The following PLCG2 variants were observed in gnomAD, a reference collection of about 807,000 sequenced individuals.
The protein encoded by PLCG2 is phospholipase C gamma 2.
In PLCG2, 69 loss-of-function variants were observed where a neutral mutation model predicts 175.6. The observed-to-expected ratio is 0.39, with a 90% confidence interval of 0.32 to 0.48. PLCG2 has a LOEUF of 0.48. Among genes scored for constraint, PLCG2 ranks in the 20% least tolerant of loss-of-function variants. The pLI, the probability that PLCG2 is intolerant of heterozygous loss-of-function variation, is 0.91. For synonymous variants in PLCG2, 827 were observed against 624.0 expected (o/e 1.33, Z -4.85); for missense variants, 1,798 against 1,650.9 (o/e 1.09, Z -1.54).
At position 81,960,739 on chromosome 16, in the gene PLCG2, T is replaced by C. The variant is rs1301798944; in HGVS notation, c.*2741T>C. ...ACATGTTCTAATACTTCGTATGCTT[T>C]GTGACCTAGTTAAAATCTAAACTTA... On this transcript the variant is annotated 3_prime_UTR_variant, in exon 33 of 33. Coordinates refer to ENST00000564138, the MANE Select transcript of PLCG2 (RefSeq NM_002661.5). The C allele has an allele frequency of 4.4e-6, 1 of 229,112 alleles. No individual in the cohort carries two copies. The highest frequency in any genetic ancestry group is 5.7e-5 in the Admixed American group (1 of 17,616). 14.2% of individuals were successfully genotyped at this position (229,112 alleles called of 1,614,324 possible).
chr16:81,915,729 G>T (rs2143672134), intron 19 of PLCG2, among the ~76,000 whole-genome samples: 1 of 152,270 alleles, frequency 6.6e-6, no homozygotes, highest in South Asian at 2.1e-4. Flanking sequence ...GAGGCTTAGG[G>T]GTCCCCTGTG....
At chr16:81,926,541 T>TGAGTA (rs1311859947) in intron 22 of PLCG2, among the ~76,000 whole-genome samples, 1 of 152,228 alleles carries the variant, frequency 6.6e-6, no homozygotes, top group Non-Finnish European at 1.5e-5. Context: ...CTAACACTAT[T>TGAGTA]GAGTATTTAC....
intron 2 of PLCG2, among the ~76,000 whole-genome samples, chr16:81,851,212 G>C (rs1311577167): frequency 6.6e-6 from 1 of 152,118 alleles, no homozygotes; most frequent in African/African-American, 2.4e-5. Flanking sequence ...TTGTGGACCT[G>C]GCAAAAATAG....
At chr16:81,928,512 T>C in intron 23 of PLCG2, 46 bp from the exon 24 acceptor site, 3 of 1,225,672 alleles carry the variant, frequency 2.4e-6, no homozygotes, top group Non-Finnish European at 3.6e-6. Context: ...TTTCTTTTTA[T>C]TATTCCCGTT....
At chr16:81,818,638 T>A (rs571700212) in intron 2 of PLCG2, among the ~76,000 whole-genome samples, 6 of 152,234 alleles carry the variant, frequency 3.9e-5, no homozygotes, top group African/African-American at 1.4e-4. Flanking sequence ...CAGAGCCAAC[T>A]AGCCGGGCAT....
At chr16:81,832,327 A>G (rs910752262) in intron 2 of PLCG2, among the ~76,000 whole-genome samples, 15 of 152,202 alleles carry the variant, frequency 9.9e-5, no homozygotes, top group African/African-American at 3.6e-4. Flanking sequence ...AGATTAAGCA[A>G]AAGAGGTTAA....
chr16:81,810,601 C>T (rs1385611947), intron 2 of PLCG2, among the ~76,000 whole-genome samples: 1 of 151,694 alleles, frequency 6.6e-6, no homozygotes, highest in African/African-American at 2.4e-5. Flanking sequence ...AACAGGTGTC[C>T]TTTCTGCCGT....
intron 1 of PLCG2, chr16:81,785,617 C>G (rs1296361620): frequency 5.6e-6 from 1 of 177,010 alleles, no homozygotes; most frequent in Non-Finnish European, 1.2e-5. Context: ...GGCTGGGCTG[C>G]TTTGGCTATT....
intron 19 of PLCG2, among the ~76,000 whole-genome samples, chr16:81,918,798 C>T (rs1268763189): frequency 1.3e-5 from 2 of 152,122 alleles, no homozygotes; most frequent in South Asian, 2.1e-4. Context: ...CCAGATGTTT[C>T]TGTCTTGCTG....
At chr16:81,778,054 A>C (rs1332877382), upstream of PLCG2, among the ~76,000 whole-genome samples, 75 of 90,402 alleles carry the variant, frequency 8.3e-4, 9 homozygotes, top group East Asian at 4.1e-3. Context: ...AAAAAAAAAA[A>C]CAAAAAAAAC....
At chr16:81,768,968 A>AT (rs1283253598) in intron 2 of PLCG2, among the ~76,000 whole-genome samples, 5 of 152,184 alleles carry the variant, frequency 3.3e-5, no homozygotes, top group Non-Finnish European at 5.9e-5. Context: ...CAGAGAATAA[A>AT]TCTTTCATCT....
At chr16:81,863,918 G>A (rs1052368810) in intron 5 of PLCG2, among the ~76,000 whole-genome samples, 27 of 152,160 alleles carry the variant, frequency 1.8e-4, no homozygotes, top group African/African-American at 6.0e-4. Flanking sequence ...CAGCGTGAAT[G>A]CAAATAGGCT....
At chr16:81,937,639 C>T in intron 27 of PLCG2, 119 bp from the exon 28 acceptor site, 2 of 817,980 alleles carry the variant, frequency 2.4e-6, no homozygotes. Flanking sequence ...CCTATTTGAA[C>T]AGCTGCCTCA....
chr16:81,811,076 T>C (rs1904315022), intron 2 of PLCG2, among the ~76,000 whole-genome samples: 2 of 152,138 alleles, frequency 1.3e-5, no homozygotes, highest in Non-Finnish European at 2.9e-5. Flanking sequence ...GAGTGTGCAC[T>C]TCCTGGAATG....
At chr16:81,746,724 G>T (rs539543226) in intron 1 of PLCG2, among the ~76,000 whole-genome samples, 2 of 152,274 alleles carry the variant, frequency 1.3e-5, no homozygotes, top group South Asian at 4.2e-4. Flanking sequence ...CATCTGTAAA[G>T]TGGGCATATT....
intron 1 of PLCG2, among the ~76,000 whole-genome samples, chr16:81,744,605 T>G (rs552058718): frequency 9.7e-4 from 147 of 151,498 alleles, no homozygotes; most frequent in African/African-American, 3.5e-3. Flanking sequence ...GCAAGTTTGT[T>G]TTTTTTAAGA....
upstream of PLCG2, among the ~76,000 whole-genome samples, chr16:81,774,638 G>A (rs1440098176): frequency 1.3e-5 from 2 of 152,112 alleles, no homozygotes; most frequent in African/African-American, 4.8e-5. Context: ...TAGGGTTGGC[G>A]AGGTTCCCTG....
At chr16:81,944,986 C>T (rs904382527) in intron 30 of PLCG2, among the ~76,000 whole-genome samples, 1 of 151,934 alleles carries the variant, frequency 6.6e-6, no homozygotes. Context: ...AAAACATAAG[C>T]CTCCCTTTGT....
chr16:81,775,715 A>G (rs1175598226), upstream of PLCG2, among the ~76,000 whole-genome samples: 1 of 152,196 alleles, frequency 6.6e-6, no homozygotes, highest in Non-Finnish European at 1.5e-5. Flanking sequence ...AAGAGTCAAG[A>G]TGATTCAGCT....
Sources: allele counts gnomAD v4.1 joint callset (sites outside exome capture counted in the v4.1 genomes callset), GRCh38; gene constraint gnomAD v4.1.1; transcripts MANE v1.5; gene names NCBI Gene and HGNC (gene_info 2026-07-23, HGNC 2026-07-21).